Variants in RIMS1 observed in about 807,000 individuals in gnomAD.
RIMS1 encodes the protein regulating synaptic membrane exocytosis protein 1.
Under a neutral mutation model 214.1 loss-of-function variants are expected in RIMS1, and 83 were observed. The ratio of observed to expected loss-of-function variants is 0.39; its 90% CI spans 0.32 to 0.47. The LOEUF is 0.47. Ranked by LOEUF, RIMS1 falls within the 20% of genes least tolerant of loss-of-function variation. RIMS1 has a pLI of 0.99. For synonymous variants in RIMS1, 793 were observed against 786.8 expected (o/e 1.01, Z -0.13); for missense variants, 2,050 against 2,161.8 (o/e 0.95, Z 1.03).
intron 26 of RIMS1, among the ~76,000 whole-genome samples, chr6:72,303,671 A>G (rs922258388): frequency 2.0e-5 from 3 of 151,512 alleles, no homozygotes; most frequent in African/African-American, 7.2e-5. Flanking sequence ...TGTGACATAC[A>G]TAGATTAATA....
chr6:71,900,417 A>T (rs971116291), intron 1 of RIMS1, among the ~76,000 whole-genome samples: 1 of 152,112 alleles, frequency 6.6e-6, no homozygotes. Flanking sequence ...TTGAAGAGAG[A>T]TATGATATAA....
At chr6:72,291,893 G>A in intron 25 of RIMS1, 41 bp from the exon 26 acceptor site, 2 of 1,439,310 alleles carry the variant, frequency 1.4e-6, no homozygotes, top group Non-Finnish European at 9.6e-7. Context: ...GACCACATTG[G>A]AATTTCATTG....
chr6:72,064,502 T>C (rs578077839), intron 2 of RIMS1, among the ~76,000 whole-genome samples: 1 of 150,732 alleles, frequency 6.6e-6, no homozygotes, highest in Admixed American at 6.6e-5. Flanking sequence ...GGGAGGGAGG[T>C]AGGGAAGGAA....
rs193257907 is a variant in RIMS1, at chr6:72,307,547, T to G, written c.3963+177T>G. 5.1e-3 allele frequency among the ~76,000 whole-genome samples: 776 copies of G among 152,046 alleles called. 4 individuals are homozygous for G. The highest frequency in any genetic ancestry group is 0.017 in the African/African-American group (716 of 41,462). On this transcript the variant is annotated intron_variant, in intron 27 of 33. Coordinates refer to ENST00000521978, the MANE Select transcript of RIMS1 (RefSeq NM_014989.7). ...GCCAAGGCAGGCACATCACCTAAGGTCAGAAGTTCAAGACCAGCCAACATG... is the reference window on the plus strand; with the variant it reads ...GCCAAGGCAGGCACATCACCTAAGGGCAGAAGTTCAAGACCAGCCAACATG...
At chr6:72,096,854 C>A in intron 2 of RIMS1, 95 bp from the exon 3 acceptor site, 3 of 1,074,616 alleles carry the variant, frequency 2.8e-6, no homozygotes, top group South Asian at 2.8e-5. Flanking sequence ...AAGAGCTATG[C>A]TTCCTTTTTG....
chr6:72,040,297 T>G (rs544123320), intron 2 of RIMS1, among the ~76,000 whole-genome samples: 1 of 152,174 alleles, frequency 6.6e-6, no homozygotes, highest in South Asian at 2.1e-4. Context: ...GTTACAGTTT[T>G]CAGCCATCTG....
rs546085211 is a variant in RIMS1 at position 72,162,567 on chromosome 6, T to C, written c.472-17008T>C. 5.0e-4 allele frequency among the ~76,000 whole-genome samples: 70 copies of C among 140,982 alleles called. 17 individuals carry two copies. Among genetic ancestry groups the C allele is most frequent in the East Asian group, 2.8e-3 (14 of 4,972 alleles). 92.5% of individuals were successfully genotyped at this position (140,982 alleles called of 152,430 possible). ...TGTTTAGTGCTTCCTTCAGGAGCTC[T>C]TGTAAGGCAGGCCTGGTGGTGACAA... On this transcript the variant is annotated intron_variant, in intron 4 of 33. Transcript: ENST00000521978.
In RIMS1 at chr6:71,918,570, T is replaced by C. The variant is rs1053610933; in HGVS notation, c.164+31383T>C. 3.3e-5 allele frequency among the ~76,000 whole-genome samples: 5 copies of C among 152,158 alleles called. No homozygotes were observed. The South Asian group carries it at 8.3e-4, about 25-fold the overall frequency. Reference sequence around the variant, plus strand: ...TGTAGAGGGGACAGCAGTATGGGGATAATTTGACAGGGTCATGAGGTTTAA... The same window carrying C: ...TGTAGAGGGGACAGCAGTATGGGGACAATTTGACAGGGTCATGAGGTTTAA... On this transcript the variant is annotated intron_variant, in intron 1 of 33. Transcript: ENST00000521978.
chr6:71,905,588 GCTAC>G (rs57858793), intron 1 of RIMS1, among the ~76,000 whole-genome samples: 45,543 of 151,830 alleles, frequency 0.3, 7,490 homozygotes, highest in East Asian at 0.44. Context: ...TATCAATTAA[GCTAC>G]CTGTTTCCAA....
intron 1 of RIMS1, among the ~76,000 whole-genome samples, chr6:71,965,024 A>C (rs1185296621): frequency 2.0e-5 from 3 of 152,194 alleles, no homozygotes; most frequent in Non-Finnish European, 1.5e-5. Flanking sequence ...ATATTATCTT[A>C]ACTGCTCCTA....
intron 6 of RIMS1, among the ~76,000 whole-genome samples, chr6:72,215,108 G>A (rs945186763): frequency 6.6e-6 from 1 of 152,200 alleles, no homozygotes. Flanking sequence ...GTTGTTGAAA[G>A]TTTTGACTCC....
chr6:72,233,365 G>T (rs938824822), intron 6 of RIMS1, among the ~76,000 whole-genome samples: 1 of 151,500 alleles, frequency 6.6e-6, no homozygotes, highest in Non-Finnish European at 1.5e-5. Context: ...ATATTATTTA[G>T]TTCAGAAAGT....
chr6:72,152,166 C>G (rs776800319), intron 4 of RIMS1, among the ~76,000 whole-genome samples: 1 of 152,190 alleles, frequency 6.6e-6, no homozygotes, highest in African/African-American at 2.4e-5. Context: ...CAAACTATAT[C>G]ACATGGGTTG....
At position 72,217,022 on chromosome 6, in the gene RIMS1, A is replaced by G. The variant is rs562662795; in HGVS notation, c.1679-16751A>G. On this transcript the variant is annotated intron_variant, in intron 6 of 33. Coordinates refer to ENST00000521978, the MANE Select transcript of RIMS1 (RefSeq NM_014989.7). ...ACTGTTGTATAATGTTGGACACTGC[A>G]GGCTTTTTTGGCTTTGATTTAGAAT... 9.7e-4 allele frequency: 1,383 copies of G among 1,431,262 alleles called. 1 individual carries two copies. Among genetic ancestry groups the G allele is most frequent in the Non-Finnish European group, 1.2e-3 (1,306 of 1,098,160 alleles). 88.7% of individuals were successfully genotyped at this position (1,431,262 alleles called of 1,614,324 possible). A position where few individuals can be genotyped will look rare whatever the true frequency, so the allele number is the denominator to read the frequency against.
Position 71,937,581 on chromosome 6 carries a change from A to G in RIMS1, c.165-31402A>G, listed in dbSNP as rs761652354. Among the ~76,000 whole-genome samples the G allele has an allele frequency of 2.6e-5, 4 of 152,224 alleles. No homozygotes were observed. In the South Asian group the frequency reaches 8.3e-4, roughly 32 times the overall value. ...GGTGGGAATTTTAAGATTAAGGGCC[A>G]CAGCTGGTGAGGGTCTTTTTGCTGC... is the stretch of plus-strand genomic sequence containing the variant. On this transcript the variant is annotated intron_variant, in intron 1 of 33. Coordinates refer to ENST00000521978, the MANE Select transcript of RIMS1 (RefSeq NM_014989.7).
chr6:72,186,242 AGCAAGGTGTTAT>A (rs1230102367), intron 6 of RIMS1, among the ~76,000 whole-genome samples: 2 of 152,254 alleles, frequency 1.3e-5, no homozygotes, highest in African/African-American at 4.8e-5. Flanking sequence ...TATTGTATCA[AGCAAGGTGTTAT>A]GTATGGTGTT....
chr6:72,313,521 G>A lies in RIMS1; in HGVS notation c.3979G>A (p.Asp1327Asn). 2 of 1,613,304 alleles carry A rather than the reference G, an allele frequency of 1.2e-6. No individual in the cohort carries two copies. The highest frequency in any genetic ancestry group is 1.7e-6 in the Non-Finnish European group (2 of 1,179,590). The change falls in exon 28 of 34, where the codon GAT becomes AAT. Residue 1327 changes from aspartate (D) to asparagine (N), a missense_variant. Asp to Asn is a conservative substitution (Grantham distance 23). Transcript: ENST00000521978. ...TAATCTTTAGTATAACATACATAAA[G>A]ATCAGTACAGAAGCTGTGATAACGT... is the stretch of plus-strand genomic sequence containing the variant. ...EQYSKYNIHKDQYRSCDNVSA... is the reference protein window; with the variant it reads ...EQYSKYNIHKNQYRSCDNVSA...
Position 72,358,363 on chromosome 6 carries a change from TTC to T in RIMS1, c.4366+24532_4366+24533del, listed in dbSNP as rs377008771. ...TTTCTCTTTTTTTAAGTGAGTACTT[TTC>T]TCTTTTTTTTAGTGAGTATTTTTCT... On this transcript the variant is annotated intron_variant, in intron 29 of 33. Transcript: ENST00000521978. Among the ~76,000 whole-genome samples the T allele has an allele frequency of 2.5e-4, 38 of 152,304 alleles. 1 individual carries two copies. The highest frequency in any genetic ancestry group is 7.7e-4 in the African/African-American group (32 of 41,588).
At chr6:72,301,261 GA>G (rs1208210728) in intron 26 of RIMS1, among the ~76,000 whole-genome samples, 1 of 151,612 alleles carries the variant, frequency 6.6e-6, no homozygotes, top group East Asian at 1.9e-4. Flanking sequence ...TTTATTCCAA[GA>G]AAGTGTGCCA....
Sources: gnomAD v4.1 joint callset for allele counts (sites outside exome capture counted in the v4.1 genomes callset) on GRCh38, gnomAD v4.1.1 for gene constraint, MANE v1.5 for transcripts, NCBI Gene and HGNC (gene_info 2026-07-23, HGNC 2026-07-21) for gene names.